CCT2: variants seen among roughly 807,000 people sequenced by gnomAD.
The protein encoded by CCT2 is chaperonin containing TCP1 subunit 2, also known as T-complex protein 1 subunit beta.
CCT2 carries 18 observed loss-of-function variants against 61.8 expected under a neutral mutation model. That is an observed-to-expected ratio of 0.29 (90% CI 0.20 to 0.43). CCT2 has a LOEUF of 0.43. Ranked by LOEUF, CCT2 falls within the 20% of genes least tolerant of loss-of-function variation. The pLI, the probability that CCT2 is intolerant of heterozygous loss-of-function variation, is 1.00. For missense variants in CCT2, 556 were observed against 656.9 expected, an observed-to-expected ratio of 0.85 and a Z score of 1.68; for synonymous variants, 248 against 215.9, an observed-to-expected ratio of 1.15 and a Z score of -1.30.
chr12:69,598,184 C>T lies in CCT2; in HGVS notation c.1335+113C>T, dbSNP rs1214604197. 6 of 992,022 alleles carry T rather than the reference C, an allele frequency of 6.0e-6. No individual in the cohort carries two copies. The South Asian group carries it at 7.9e-5, about 13-fold the overall frequency. 61.5% of individuals were successfully genotyped at this position (992,022 alleles called of 1,614,324 possible). ...GCTTTTAAATTTGATTCTGGAGTTT[C>T]TCCTCTTCGTGAGCAGTAACTGAAG... On this transcript the variant is annotated intron_variant, in intron 13 of 15. Transcript: ENST00000299300.
At chr12:69,585,990 A>G (rs1210152456) in intron 1 of CCT2, 4 of 1,331,530 alleles carry the variant, frequency 3.0e-6, no homozygotes, top group Non-Finnish European at 3.8e-6. Context: ...TCTTAGTTCA[A>G]GATCGTCTTT....
chr12:69,586,242 C>T (rs776059523), intron 1 of CCT2, 28 bp from the exon 2 acceptor site: 10 of 1,547,420 alleles, frequency 6.5e-6, no homozygotes, highest in Non-Finnish European at 8.9e-6. Flanking sequence ...GGTACTTAAA[C>T]GGAATGCCTC....
chr12:69,586,492 A>T (rs765191290), intron 2 of CCT2, 148 bp downstream of exon 2: 2 of 659,766 alleles, frequency 3.0e-6, no homozygotes, highest in Non-Finnish European at 5.3e-6. Flanking sequence ...ACATGGTAAA[A>T]CCCCGTTTCT....
Position 69,598,141 on chromosome 12 carries a change from A to C in CCT2, c.1335+70A>C, listed in dbSNP as rs574174793. On this transcript the variant is annotated intron_variant, in intron 13 of 15. Coordinates refer to ENST00000299300, the MANE Select transcript of CCT2 (RefSeq NM_006431.3). ...ATTGATAGTTTTAAAATGAGTAGAA[A>C]ATGAACTGGTTAATACTGCTTTTAA... 12 of 1,206,758 alleles carry C rather than the reference A, an allele frequency of 9.9e-6. No homozygotes were observed. The African/African-American group carries it at 1.2e-4, about 12-fold the overall frequency. The allele number at this position is 1,206,758 out of a possible 1,614,324, so 74.8% of individuals were successfully genotyped here. A position where few individuals can be genotyped will look rare whatever the true frequency, so the allele number is the denominator to read the frequency against.
At chr12:69,589,712 A>G in intron 7 of CCT2, 25 bp downstream of exon 7, 1 of 1,571,536 alleles carries the variant, frequency 6.4e-7, no homozygotes, top group Non-Finnish European at 8.7e-7. Context: ...CAGATACAAG[A>G]AGCTTTGATT....
chr12:69,599,575 C>A (rs7956144), intron 14 of CCT2: 1 of 174,116 alleles, frequency 5.7e-6, no homozygotes, highest in Non-Finnish European at 1.2e-5. Flanking sequence ...TTTTAGTAGA[C>A]GGGGTTTCAC....
At chr12:69,588,287 T>A in intron 6 of CCT2, 25 bp downstream of exon 6, 1 of 1,468,218 alleles carries the variant, frequency 6.8e-7, no homozygotes, top group Non-Finnish European at 9.5e-7. Context: ...GTACTACTGT[T>A]CTAAACATTT....
At chr12:69,586,514 A>G (rs1945053553) in intron 2 of CCT2, among the ~76,000 whole-genome samples, 170 bp downstream of exon 2, 1 of 152,126 alleles carries the variant, frequency 6.6e-6, no homozygotes, top group Non-Finnish European at 1.5e-5. Context: ...CTAGAAATAC[A>G]AAAATTAGCC....
intron 15 of CCT2, 124 bp from the exon 16 acceptor site, chr12:69,601,171 C>T (rs779029168): frequency 1.3e-6 from 1 of 770,324 alleles, no homozygotes; most frequent in African/African-American, 1.8e-5. Context: ...GACACACATG[C>T]AAACCATTGC....
intron 7 of CCT2, among the ~76,000 whole-genome samples, chr12:69,591,304 G>GC (rs559403037): frequency 7.5e-4 from 114 of 152,336 alleles, no homozygotes; most frequent in Non-Finnish European, 9.8e-4. Flanking sequence ...TTCCAAAGCA[G>GC]CAGGACTAGG....
In CCT2 at chr12:69,592,996, A is replaced by G; in HGVS notation, c.771A>G (p.Arg257=). ...DKIKIFGSRV[R]VDSTAKVAEI... Reference sequence around the variant, plus strand: ...CTTAGATATTTGGTTCCCGGGTAAGAGTTGACTCTACAGCAAAGGTTGCAG... The same window carrying G: ...CTTAGATATTTGGTTCCCGGGTAAGGGTTGACTCTACAGCAAAGGTTGCAG... The change falls in exon 9 of 16, where the codon AGA becomes AGG. Residue 257 remains arginine (R), a synonymous_variant. Transcript: ENST00000299300. 6.2e-7 allele frequency: 1 copy of G among 1,613,412 alleles called. No homozygotes were observed. The highest frequency in any genetic ancestry group is 8.5e-7 in the Non-Finnish European group (1 of 1,179,714).
chr12:69,596,085 GAA>G (rs1404368028), intron 10 of CCT2, among the ~76,000 whole-genome samples: 3 of 152,190 alleles, frequency 2.0e-5, no homozygotes, highest in African/African-American at 7.2e-5. Context: ...TAAAAAGAAA[GAA>G]AAGTCTCATG....
In CCT2 at chr12:69,585,487, AG is replaced by A. The variant is rs1565796707; in HGVS notation, c.-31del. On this transcript the variant is annotated 5_prime_UTR_variant, in exon 1 of 16. Transcript: ENST00000299300. ...CCGCTGGTCCCGAGCACGAGCTGTGAGGGGATTCACTTGTGTGCGGAACTCC... is the reference window on the plus strand; with the variant it reads ...CCGCTGGTCCCGAGCACGAGCTGTGAGGGATTCACTTGTGTGCGGAACTCC... The A allele has an allele frequency of 1.3e-6, 2 of 1,559,608 alleles. No homozygotes were observed. The highest frequency in any genetic ancestry group is 1.4e-5 in the African/African-American group (1 of 73,560).
chr12:69,597,037 GCAAT>G (rs983256687), intron 10 of CCT2, 115 bp from the exon 11 acceptor site: 6 of 797,520 alleles, frequency 7.5e-6, no homozygotes, highest in African/African-American at 1.7e-5. Context: ...AATATAATCA[GCAAT>G]CAATTTTTAA....
intron 6 of CCT2, 65 bp downstream of exon 6, chr12:69,588,327 G>A (rs886548833): frequency 4.4e-6 from 5 of 1,147,664 alleles, no homozygotes; most frequent in African/African-American, 1.5e-5. Context: ...CTTAATGCAA[G>A]AAATCTATAG....
intron 11 of CCT2, 30 bp downstream of exon 11, chr12:69,597,305 T>A: frequency 6.2e-7 from 1 of 1,610,104 alleles, no homozygotes; most frequent in Non-Finnish European, 8.5e-7. Context: ...CTGGTTAGGG[T>A]GTCTAAATTC....
intron 12 of CCT2, 53 bp downstream of exon 12, chr12:69,597,819 A>G (rs1882035065): frequency 6.6e-7 from 1 of 1,523,058 alleles, no homozygotes; most frequent in East Asian, 2.4e-5. Flanking sequence ...AGTACAATAT[A>G]AGTCATAAGT....
rs1565798886 is a variant in CCT2 at position 69,589,668 on chromosome 12, A to G, written c.630A>G (p.Ala210=). The G allele has an allele frequency of 6.2e-7, 1 of 1,612,922 alleles. No homozygotes were observed. The highest frequency in any genetic ancestry group is 8.5e-7 in the Non-Finnish European group (1 of 1,179,868). Residue 210 remains alanine, a synonymous_variant, in exon 7 of 16, where the codon GCA becomes GCG. Coordinates refer to ENST00000299300, the MANE Select transcript of CCT2 (RefSeq NM_006431.3). ...TCAAGAAGCTAGGAGGAAGTTTGGCAGATTCCTATTTAGATGAAGGTATGT... is the reference window on the plus strand; with the variant it reads ...TCAAGAAGCTAGGAGGAAGTTTGGCGGATTCCTATTTAGATGAAGGTATGT... ...HIIKKLGGSL[A]DSYLDEGFLL... is the part of the protein sequence containing the mutation.
chr12:69,587,366 G>A lies in CCT2; in HGVS notation c.145-139G>A, dbSNP rs563900891. 5 of 570,572 alleles carry A rather than the reference G, an allele frequency of 8.8e-6. No homozygotes were observed. In the East Asian group the frequency reaches 1.2e-4, roughly 13 times the overall value. 35.3% of individuals were successfully genotyped at this position (570,572 alleles called of 1,614,324 possible). Reference sequence around the variant, plus strand: ...GGTTTGGTTACGTGGTGTATGTATTGAAAACATTTGATGAATGGATACCAC... The same window carrying A: ...GGTTTGGTTACGTGGTGTATGTATTAAAAACATTTGATGAATGGATACCAC... On this transcript the variant is annotated intron_variant, in intron 3 of 15. Transcript: ENST00000299300.
Sources: gnomAD v4.1 joint callset for allele counts (sites outside exome capture counted in the v4.1 genomes callset) on GRCh38, gnomAD v4.1.1 for gene constraint, MANE v1.5 for transcripts, NCBI Gene and HGNC (gene_info 2026-07-23, HGNC 2026-07-21) for gene names.